Variants in LARGE1 observed in about 807,000 individuals in gnomAD.
LARGE1 encodes the protein xylosyl- and glucuronyltransferase LARGE1.
A neutral mutation model predicts 87.6 loss-of-function variants in LARGE1; 43 were observed. The ratio of observed to expected loss-of-function variants is 0.49; its 90% CI spans 0.38 to 0.63. The LOEUF (loss-of-function observed/expected upper bound fraction) is 0.63, where lower values mean the gene tolerates loss of function less well. Ranked by LOEUF, LARGE1 falls within the 30% of genes least tolerant of loss-of-function variation. The pLI is 0.00. For synonymous variants in LARGE1, 434 were observed against 394.6 expected (o/e 1.10, Z -1.18); for missense variants, 802 against 1,000.2 (o/e 0.80, Z 2.67).
chr22:33,536,516 C>T (rs2077048805), intron 6 of LARGE1, among the ~76,000 whole-genome samples: 1 of 152,384 alleles, frequency 6.6e-6, no homozygotes, highest in South Asian at 2.1e-4. Flanking sequence ...TTCCACTCCA[C>T]ACTTGTAGCT....
intron 1 of LARGE1, among the ~76,000 whole-genome samples, chr22:33,913,030 C>A (rs768692445): frequency 4.6e-5 from 7 of 151,744 alleles, no homozygotes; most frequent in Non-Finnish European, 8.8e-5. Context: ...CAGGGTTTCA[C>A]AATGTTGGCC....
chr22:33,469,444 A>G (rs1022497355), intron 6 of LARGE1, among the ~76,000 whole-genome samples: 3 of 152,186 alleles, frequency 2.0e-5, no homozygotes, highest in Admixed American at 6.5e-5. Flanking sequence ...CAAAATGTTT[A>G]CCTCCAATAA....
chr22:33,291,395 A>G (rs1026934553), intron 12 of LARGE1, among the ~76,000 whole-genome samples: 8 of 151,962 alleles, frequency 5.3e-5, no homozygotes, highest in Non-Finnish European at 1.0e-4. Context: ...CTGTCTGTCT[A>G]CCCTTATGCA....
At chr22:33,878,085 C>T (rs1054082593) in intron 1 of LARGE1, among the ~76,000 whole-genome samples, 2 of 144,170 alleles carry the variant, frequency 1.4e-5, no homozygotes, top group Admixed American at 7.2e-5. Flanking sequence ...AAAAATATGA[C>T]CACTAAAATA....
intron 1 of LARGE1, among the ~76,000 whole-genome samples, chr22:33,847,887 A>T (rs1180463666): frequency 6.6e-6 from 1 of 152,190 alleles, no homozygotes; most frequent in Non-Finnish European, 1.5e-5. Context: ...AAATAGCTTA[A>T]GTATAAGCCA....
intron 6 of LARGE1, among the ~76,000 whole-genome samples, chr22:33,470,655 A>T (rs971606980): frequency 1.4e-4 from 22 of 152,036 alleles, no homozygotes; most frequent in Non-Finnish European, 3.2e-4. Flanking sequence ...TCTCGTCCAT[A>T]AGCTGCCCTC....
At chr22:33,502,632 G>T (rs553865129) in intron 6 of LARGE1, among the ~76,000 whole-genome samples, 53 of 151,964 alleles carry the variant, frequency 3.5e-4, no homozygotes, top group African/African-American at 1.3e-3. Context: ...GCAGTGGCGT[G>T]ATCTCGGCTC....
chr22:33,789,702 C>T (rs780947182), intron 1 of LARGE1, among the ~76,000 whole-genome samples: 4 of 152,310 alleles, frequency 2.6e-5, no homozygotes, highest in Admixed American at 6.5e-5. Flanking sequence ...GAAATCACTT[C>T]GGAGCTTTAA....
intron 1 of LARGE1, among the ~76,000 whole-genome samples, chr22:33,777,492 A>T (rs1362140452): frequency 6.6e-6 from 1 of 152,030 alleles, no homozygotes; most frequent in Admixed American, 6.6e-5. Flanking sequence ...GCATTTTTTA[A>T]ATTAGCCAGG....
At chr22:33,391,764 CCTTTTTTTTTTT>C (rs1264576473) in intron 7 of LARGE1, among the ~76,000 whole-genome samples, 1 of 141,868 alleles carries the variant, frequency 7.0e-6, no homozygotes, top group African/African-American at 2.7e-5. Flanking sequence ...TTTCCTTTTT[CCTTTTTTTTTTT>C]TTTTTTTTTT....
chr22:33,709,045 T>C (rs908164865), intron 2 of LARGE1, among the ~76,000 whole-genome samples: 1 of 152,182 alleles, frequency 6.6e-6, no homozygotes, highest in Non-Finnish European at 1.5e-5. Flanking sequence ...CCTACCATAA[T>C]GACCTCATTT....
intron 2 of LARGE1, among the ~76,000 whole-genome samples, chr22:33,736,605 A>G (rs888512417): frequency 6.6e-6 from 1 of 152,140 alleles, no homozygotes; most frequent in Non-Finnish European, 1.5e-5. Flanking sequence ...TCTTGAAGGA[A>G]CCCTCTGAAA....
chr22:33,886,242 G>A (rs768723124), intron 1 of LARGE1, among the ~76,000 whole-genome samples: 1 of 152,120 alleles, frequency 6.6e-6, no homozygotes, highest in East Asian at 1.9e-4. Flanking sequence ...TACACTTGGG[G>A]ACTCAGACAC....
intron 5 of LARGE1, among the ~76,000 whole-genome samples, chr22:33,586,167 A>T (rs1308810684): frequency 6.6e-6 from 1 of 152,192 alleles, no homozygotes; most frequent in Non-Finnish European, 1.5e-5. Context: ...TCCGTAGCAC[A>T]GGGAAACCAG....
intron 2 of LARGE1, among the ~76,000 whole-genome samples, chr22:33,684,443 A>G (rs1023735827): frequency 6.6e-5 from 10 of 151,922 alleles, no homozygotes; most frequent in African/African-American, 1.9e-4. Context: ...AGACGGATAG[A>G]AGAGAAAATC....
intron 4 of LARGE1, among the ~76,000 whole-genome samples, chr22:33,616,194 C>A (rs1409247826): frequency 6.6e-6 from 1 of 151,894 alleles, no homozygotes; most frequent in African/African-American, 2.4e-5. Context: ...ACATTCTTAG[C>A]AGAATTGTTC....
At chr22:33,460,790 T>C (rs1276056440) in intron 6 of LARGE1, among the ~76,000 whole-genome samples, 2 of 152,156 alleles carry the variant, frequency 1.3e-5, no homozygotes, top group Non-Finnish European at 2.9e-5. Context: ...ACACCTTTGA[T>C]GGGTAAAGAA....
At chr22:33,855,011 G>A (rs919114773) in intron 1 of LARGE1, among the ~76,000 whole-genome samples, 4 of 152,088 alleles carry the variant, frequency 2.6e-5, no homozygotes, top group South Asian at 2.1e-4. Flanking sequence ...CAGGAGGCCC[G>A]GGCAGTCATT....
chr22:33,558,012 C>T (rs915096605), intron 6 of LARGE1, among the ~76,000 whole-genome samples: 2 of 152,220 alleles, frequency 1.3e-5, no homozygotes, highest in Non-Finnish European at 2.9e-5. Flanking sequence ...AGCACATCAC[C>T]TCTACAGACA....
Sources: gnomAD v4.1 joint callset for allele counts (sites outside exome capture counted in the v4.1 genomes callset) on GRCh38, gnomAD v4.1.1 for gene constraint, MANE v1.5 for transcripts, NCBI Gene and HGNC (gene_info 2026-07-23, HGNC 2026-07-21) for gene names.